The following BMPR1B variants were observed in gnomAD, a reference collection of about 807,000 sequenced individuals.
The protein encoded by BMPR1B is bone morphogenetic protein receptor type-1B.
In BMPR1B, 12 loss-of-function variants were observed where a neutral mutation model predicts 59.1. That is an observed-to-expected ratio of 0.20 (90% CI 0.13 to 0.33). The LOEUF is 0.33. Ranked by LOEUF, BMPR1B falls within the 10% of genes least tolerant of loss-of-function variation. The pLI is 1.00. For missense variants in BMPR1B, 550 were observed against 610.9 expected (o/e 0.90, Z 1.05); for synonymous variants, 237 against 207.3 (o/e 1.14, Z -1.23).
At chr4:95,131,171 A>G (rs1733328528) in intron 9 of BMPR1B, 44 bp from the exon 10 acceptor site, 1 of 1,551,242 alleles carries the variant, frequency 6.4e-7, no homozygotes, top group East Asian at 2.2e-5. Flanking sequence ...TATTCCTGAT[A>G]CTATTTGGAA....
chr4:94,855,542 G>T (rs1027875416), intron 1 of BMPR1B, among the ~76,000 whole-genome samples: 4 of 152,098 alleles, frequency 2.6e-5, no homozygotes, highest in Non-Finnish European at 4.4e-5. Flanking sequence ...TAACATGTAC[G>T]TAACAAAAAT....
intron 3 of BMPR1B, among the ~76,000 whole-genome samples, chr4:95,005,989 TC>T (rs532688151): frequency 2.6e-5 from 4 of 152,140 alleles, no homozygotes; most frequent in African/African-American, 7.2e-5. Flanking sequence ...GATAATAGTT[TC>T]CGCTGGGCAC....
intron 2 of BMPR1B, among the ~76,000 whole-genome samples, chr4:94,888,634 G>C (rs929591781): frequency 1.3e-5 from 2 of 152,030 alleles, no homozygotes; most frequent in Non-Finnish European, 2.9e-5. Flanking sequence ...AGATTAAATA[G>C]TACCTTGGTC....
intron 3 of BMPR1B, among the ~76,000 whole-genome samples, chr4:95,001,544 T>C (rs1437748708): frequency 1.3e-5 from 2 of 152,192 alleles, no homozygotes; most frequent in African/African-American, 4.8e-5. Context: ...GAGCAAAAGA[T>C]AGAAGCTAAA....
intron 1 of BMPR1B, among the ~76,000 whole-genome samples, chr4:94,779,902 T>C (rs1197820399): frequency 6.6e-6 from 1 of 152,160 alleles, no homozygotes; most frequent in East Asian, 1.9e-4. Flanking sequence ...ATATTCATAG[T>C]AAATGGATAT....
rs1037869976 is a variant in BMPR1B at position 95,133,916 on chromosome 4, C to T, written c.1076+2404C>T. Among the ~76,000 whole-genome samples, 13 of 151,688 alleles carry T rather than the reference C, an allele frequency of 8.6e-5. No homozygotes were observed. In the South Asian group the frequency reaches 1.9e-3, roughly 22 times the overall value. ...TTATACTTTTAAGTTCTAGGGTACA[C>T]GTGCACAACGTGCAGGTTTGTTACA... is the stretch of plus-strand genomic sequence containing the variant. On this transcript the variant is annotated intron_variant, in intron 10 of 12. Coordinates refer to ENST00000515059, the MANE Select transcript of BMPR1B (RefSeq NM_001203.3).
intron 2 of BMPR1B, among the ~76,000 whole-genome samples, chr4:94,927,129 A>G (rs1220377967): frequency 6.6e-6 from 1 of 152,168 alleles, no homozygotes; most frequent in Non-Finnish European, 1.5e-5. Context: ...AGGGACAATA[A>G]AAGCTCTAGT....
chr4:95,027,241 A>G (rs1298908269), intron 3 of BMPR1B, among the ~76,000 whole-genome samples: 1 of 152,172 alleles, frequency 6.6e-6, no homozygotes, highest in African/African-American at 2.4e-5. Context: ...CTTGTTTCCC[A>G]ATTAGCTTAA....
chr4:94,885,852 GC>G lies in BMPR1B; in HGVS notation c.-113+9955del, dbSNP rs142951040. Among the ~76,000 whole-genome samples the G allele has an allele frequency of 7.4e-3, 1,128 of 152,238 alleles. 19 individuals are homozygous for G. Among genetic ancestry groups the G allele is most frequent in the African/African-American group, 0.026 (1,065 of 41,538 alleles). ...CCAGAAAAATACTGGATCTGACCAAGCCCTGGTCACACAATCCTGGAAATGT... is the reference window on the plus strand; with the variant it reads ...CCAGAAAAATACTGGATCTGACCAAGCCTGGTCACACAATCCTGGAAATGT... On this transcript the variant is annotated intron_variant, in intron 2 of 12. Transcript: ENST00000515059.
chr4:94,768,581 C>T (rs970727227), intron 1 of BMPR1B, among the ~76,000 whole-genome samples: 1 of 151,848 alleles, frequency 6.6e-6, no homozygotes, highest in African/African-American at 2.4e-5. Flanking sequence ...TTTCTCTGAG[C>T]CAAAAAAATT....
At chr4:95,135,890 C>T (rs2149308208) in intron 10 of BMPR1B, among the ~76,000 whole-genome samples, 1 of 152,260 alleles carries the variant, frequency 6.6e-6, no homozygotes, top group Non-Finnish European at 1.5e-5. Context: ...CCAGAACTTC[C>T]AACACTATGT....
intron 1 of BMPR1B, among the ~76,000 whole-genome samples, chr4:94,864,817 T>G (rs1726148392): frequency 6.6e-6 from 1 of 152,088 alleles, no homozygotes; most frequent in Admixed American, 6.5e-5. Context: ...CAGCCATTCC[T>G]TTAAAAAAAA....
At chr4:95,104,619 T>C in intron 4 of BMPR1B, 52 bp downstream of exon 4, 1 of 1,601,318 alleles carries the variant, frequency 6.2e-7, no homozygotes, top group Non-Finnish European at 8.6e-7. Flanking sequence ...TCACACTTTT[T>C]CAACTATGCA....
Position 94,897,199 on chromosome 4 carries a change from T to C in BMPR1B, c.-113+21299T>C, listed in dbSNP as rs533455232. Among the ~76,000 whole-genome samples the C allele has an allele frequency of 7.2e-5, 11 of 152,142 alleles. No individual in the cohort carries two copies. The South Asian group carries it at 2.1e-3, about 29-fold the overall frequency. On this transcript the variant is annotated intron_variant, in intron 2 of 12. Transcript: ENST00000515059. Reference sequence around the variant, plus strand: ...GGAAAGGGGGATTAAAGCCCCAGTCTGGAATGACATGACTTGGCTTCTGTC... The same window carrying C: ...GGAAAGGGGGATTAAAGCCCCAGTCCGGAATGACATGACTTGGCTTCTGTC...
At chr4:95,131,563 T>C (rs1433693376) in intron 10 of BMPR1B, 51 bp downstream of exon 10, 1 of 1,596,080 alleles carries the variant, frequency 6.3e-7, no homozygotes, top group South Asian at 1.1e-5. Flanking sequence ...TTCTGTTACT[T>C]TTTATTTTGT....
intron 1 of BMPR1B, among the ~76,000 whole-genome samples, chr4:94,873,302 T>C (rs1218046930): frequency 6.6e-6 from 1 of 152,318 alleles, no homozygotes; most frequent in African/African-American, 2.4e-5. Flanking sequence ...TTTGCTTTTT[T>C]TCCTTCATCG....
At position 95,158,331 on chromosome 4, in the gene BMPR1B, A is replaced by G. The variant is rs924423147; in HGVS notation, c.*3658A>G. On this transcript the variant is annotated 3_prime_UTR_variant, in exon 13 of 13. Coordinates refer to ENST00000515059, the MANE Select transcript of BMPR1B (RefSeq NM_001203.3). The stretch of plus-strand genomic sequence containing the variant: ...CCAGTGCCTTACAGATTTTGTATAT[A>G]CTGTAATTATTCAGGACTAGGGAAC... 6.6e-5 allele frequency: 10 copies of G among 152,264 alleles called. No homozygotes were observed. Among genetic ancestry groups the G allele is most frequent in the African/African-American group, 2.2e-4 (9 of 41,534 alleles). The allele number at this position is 152,264 out of a possible 1,614,324, so 9.4% of individuals were successfully genotyped here.
At chr4:94,767,965 T>G (rs1238020406) in intron 1 of BMPR1B, among the ~76,000 whole-genome samples, 1 of 152,042 alleles carries the variant, frequency 6.6e-6, no homozygotes, top group African/African-American at 2.4e-5. Flanking sequence ...ATGTTAAGAC[T>G]GAGATAAACA....
chr4:94,898,302 T>G (rs1199149402), intron 2 of BMPR1B, among the ~76,000 whole-genome samples: 1 of 152,052 alleles, frequency 6.6e-6, no homozygotes, highest in Non-Finnish European at 1.5e-5. Context: ...ATTTGCTACT[T>G]AGACTAGATA....
Sources: allele counts gnomAD v4.1 joint callset (sites outside exome capture counted in the v4.1 genomes callset), GRCh38; gene constraint gnomAD v4.1.1; transcripts MANE v1.5; gene names NCBI Gene and HGNC (gene_info 2026-07-23, HGNC 2026-07-21).